Variants in TANGO6 observed in about 807,000 individuals in gnomAD.
TANGO6 encodes the protein transport and golgi organization 6 homolog, also known as transport and Golgi organization protein 6 homolog.
TANGO6 carries 90 observed loss-of-function variants against 114.2 expected under a neutral mutation model. The observed-to-expected ratio is 0.79, with a 90% CI of 0.66 to 0.94. The LOEUF is 0.94. TANGO6 is among the 40% of genes least tolerant of loss of function. TANGO6 has a pLI of 0.00. For missense variants in TANGO6, 1,274 were observed against 1,315.3 expected (o/e 0.97, Z 0.49); for synonymous variants, 477 against 509.8 (o/e 0.94, Z 0.87).
At chr16:69,083,003 G>C (rs1436987233) in intron 17 of TANGO6, among the ~76,000 whole-genome samples, 1 of 152,010 alleles carries the variant, frequency 6.6e-6, no homozygotes, top group Non-Finnish European at 1.5e-5. Context: ...GGCATGGGGT[G>C]AGTGAGAAAC....
chr16:68,945,373 A>AT (rs892082269), intron 14 of TANGO6, among the ~76,000 whole-genome samples: 20 of 151,406 alleles, frequency 1.3e-4, no homozygotes, highest in Admixed American at 2.6e-4. Flanking sequence ...TTTTTATTTT[A>AT]TTTTTTTTTA....
chr16:68,976,221 G>A (rs1221060997), intron 15 of TANGO6, among the ~76,000 whole-genome samples: 4 of 152,104 alleles, frequency 2.6e-5, no homozygotes, highest in African/African-American at 4.8e-5. Flanking sequence ...GGCATGAGCC[G>A]CTGCACCCAG....
At chr16:68,843,829 C>T (rs1484113745) in intron 1 of TANGO6, 118 bp downstream of exon 1, 1 of 940,432 alleles carries the variant, frequency 1.1e-6, no homozygotes. Context: ...GACCCTCCGC[C>T]CGCTGCTGGG....
chr16:68,891,849 A>T, intron 7 of TANGO6, among the ~76,000 whole-genome samples: 1 of 119,894 alleles, frequency 8.3e-6, no homozygotes, highest in Non-Finnish European at 1.7e-5. Flanking sequence ...GGGAAAGAAA[A>T]GGAAAGGGGG....
At chr16:68,882,177 A>T (rs1962470618) in intron 7 of TANGO6, among the ~76,000 whole-genome samples, 2 of 152,098 alleles carry the variant, frequency 1.3e-5, no homozygotes, top group Non-Finnish European at 2.9e-5. Context: ...TTCCACTACT[A>T]GGTATATACC....
chr16:68,902,291 A>G lies in TANGO6; in HGVS notation c.1491-37A>G, dbSNP rs775494737. 8.2e-6 allele frequency: 13 copies of G among 1,576,756 alleles called. No individual in the cohort carries two copies. In the African/African-American group the frequency reaches 9.5e-5, roughly 12 times the overall value. On this transcript the variant is annotated intron_variant, in intron 8 of 17. Coordinates refer to ENST00000261778, the MANE Select transcript of TANGO6 (RefSeq NM_024562.2). Reference sequence around the variant, plus strand: ...GTTAGCTTGTTAGATGCATGGAGTAAGATGACAAGCTCATTCATAACTGCT... The same window carrying G: ...GTTAGCTTGTTAGATGCATGGAGTAGGATGACAAGCTCATTCATAACTGCT...
intron 10 of TANGO6, 102 bp downstream of exon 10, chr16:68,907,677 GC>G: frequency 7.4e-7 from 1 of 1,355,822 alleles, no homozygotes; most frequent in Non-Finnish European, 9.8e-7. Flanking sequence ...TAAAATGTAG[GC>G]CCTAATTTAA....
At chr16:68,941,733 A>G (rs1963355819) in intron 14 of TANGO6, among the ~76,000 whole-genome samples, 1 of 151,880 alleles carries the variant, frequency 6.6e-6, no homozygotes, top group Non-Finnish European at 1.5e-5. Flanking sequence ...GTGACAGAGC[A>G]AGACTGTCTC....
At chr16:68,858,086 CAG>C (rs1293667740) in intron 1 of TANGO6, among the ~76,000 whole-genome samples, 2 of 141,330 alleles carry the variant, frequency 1.4e-5, no homozygotes, top group African/African-American at 5.2e-5. Context: ...TTTTTTGAAA[CAG>C]AGTCTCACTC....
At chr16:68,846,399 TA>T (rs1654272080) in intron 1 of TANGO6, 2 of 219,030 alleles carry the variant, frequency 9.1e-6, no homozygotes, top group Admixed American at 6.0e-5. Flanking sequence ...TTGACTGAAG[TA>T]CATGAAGAAA....
intron 15 of TANGO6, among the ~76,000 whole-genome samples, chr16:68,976,973 C>G (rs1157128656): frequency 6.6e-6 from 1 of 152,164 alleles, no homozygotes; most frequent in African/African-American, 2.4e-5. Context: ...AAGATATAAT[C>G]TTAACTTCAG....
At chr16:69,072,447 C>T (rs1056630309) in intron 17 of TANGO6, among the ~76,000 whole-genome samples, 5 of 152,032 alleles carry the variant, frequency 3.3e-5, no homozygotes, top group South Asian at 2.1e-4. Context: ...GAGAGGTTTC[C>T]GCTGTGGGAT....
chr16:68,925,269 C>T (rs1963152264), intron 12 of TANGO6, among the ~76,000 whole-genome samples: 1 of 152,108 alleles, frequency 6.6e-6, no homozygotes, highest in Non-Finnish European at 1.5e-5. Context: ...AAGATTGTGC[C>T]ATTGCACTCC....
chr16:68,848,652 G>A (rs553288559), intron 1 of TANGO6, among the ~76,000 whole-genome samples: 17 of 152,046 alleles, frequency 1.1e-4, no homozygotes, highest in Admixed American at 9.8e-4. Flanking sequence ...ATATAAACAC[G>A]AATATATTTT....
At chr16:69,006,743 T>G (rs1964095088) in intron 15 of TANGO6, among the ~76,000 whole-genome samples, 1 of 152,216 alleles carries the variant, frequency 6.6e-6, no homozygotes, top group South Asian at 2.1e-4. Flanking sequence ...AGAGCGAGAC[T>G]CTGTCTCAAA....
chr16:68,924,658 C>T (rs1265842469), intron 12 of TANGO6, among the ~76,000 whole-genome samples: 6 of 151,356 alleles, frequency 4.0e-5, no homozygotes, highest in South Asian at 2.1e-4. Flanking sequence ...GGTATGGTGG[C>T]GGGCACCTGT....
chr16:68,998,489 T>C (rs1964012520), intron 15 of TANGO6, among the ~76,000 whole-genome samples: 1 of 152,070 alleles, frequency 6.6e-6, no homozygotes, highest in Non-Finnish European at 1.5e-5. Flanking sequence ...CCCAGCGCTT[T>C]GGGAGGCTGA....
At chr16:69,066,924 T>C (rs956742912) in intron 17 of TANGO6, among the ~76,000 whole-genome samples, 4 of 152,096 alleles carry the variant, frequency 2.6e-5, no homozygotes, top group Admixed American at 6.5e-5. Context: ...ATAGGGTCTT[T>C]CTTGCTTCGT....
intron 7 of TANGO6, among the ~76,000 whole-genome samples, chr16:68,889,665 G>A (rs1962585416): frequency 6.6e-6 from 1 of 152,186 alleles, no homozygotes; most frequent in African/African-American, 2.4e-5. Context: ...AATTGCAAAT[G>A]TTAGCTTTTC....
Sources: allele counts gnomAD v4.1 joint callset (sites outside exome capture counted in the v4.1 genomes callset), GRCh38; gene constraint gnomAD v4.1.1; transcripts MANE v1.5; gene names NCBI Gene and HGNC (gene_info 2026-07-23, HGNC 2026-07-21).